GRIA1: variants seen among roughly 807,000 people sequenced by gnomAD.
GRIA1 encodes glutamate ionotropic receptor AMPA type subunit 1.
Under a neutral mutation model 99.2 loss-of-function variants are expected in GRIA1, and 31 were observed. The observed-to-expected ratio is 0.31, with a 90% CI of 0.23 to 0.42. The LOEUF (loss-of-function observed/expected upper bound fraction) is 0.42, where lower values mean the gene tolerates loss of function less well. Among genes scored for constraint, GRIA1 ranks in the 10% least tolerant of loss-of-function variants. The probability of loss-of-function intolerance (pLI) is 1.00; values close to 1 mark genes in which losing one functional copy is unlikely to be tolerated. For synonymous variants in GRIA1, 438 were observed against 432.4 expected (o/e 1.01, Z -0.16); for missense variants, 782 against 1,157.5 (o/e 0.68, Z 4.71).
At chr5:153,728,724 T>C (rs1581553112) in intron 11 of GRIA1, among the ~76,000 whole-genome samples, 1 of 98,738 alleles carries the variant, frequency 1.0e-5, no homozygotes. Context: ...CATTAAAAAG[T>C]CAGGAAACAA....
chr5:153,725,237 C>T (rs868220007), intron 11 of GRIA1, among the ~76,000 whole-genome samples: 1 of 151,624 alleles, frequency 6.6e-6, no homozygotes. Flanking sequence ...TAAAAGAGCT[C>T]CTGAAGGAAG....
chr5:153,539,805 A>G (rs148084459), intron 2 of GRIA1, among the ~76,000 whole-genome samples: 1 of 152,204 alleles, frequency 6.6e-6, no homozygotes, highest in Non-Finnish European at 1.5e-5. Flanking sequence ...TAAGATTCAA[A>G]CCATCACCTT....
At chr5:153,613,921 G>A (rs1398056318) in intron 2 of GRIA1, among the ~76,000 whole-genome samples, 7 of 152,058 alleles carry the variant, frequency 4.6e-5, no homozygotes, top group African/African-American at 9.7e-5. Flanking sequence ...GACCCTGCCC[G>A]CTGCATCAGC....
chr5:153,810,409 G>A (rs2149683065), intron 15 of GRIA1, among the ~76,000 whole-genome samples: 1 of 152,286 alleles, frequency 6.6e-6, no homozygotes, highest in African/African-American at 2.4e-5. Context: ...ATAGAGGTAG[G>A]CTAGAATTTT....
At chr5:153,784,963 C>T (rs1764881595) in intron 13 of GRIA1, among the ~76,000 whole-genome samples, 1 of 152,048 alleles carries the variant, frequency 6.6e-6, no homozygotes, top group South Asian at 2.1e-4. Flanking sequence ...AGGCTCTGGT[C>T]CCCACTCCCA....
intron 3 of GRIA1, among the ~76,000 whole-genome samples, 175 bp from the exon 4 acceptor site, chr5:153,650,153 GAA>G (rs1487608776): frequency 6.6e-6 from 1 of 152,194 alleles, no homozygotes; most frequent in East Asian, 1.9e-4. Flanking sequence ...TCTATGTTCA[GAA>G]ACACAGTGTC....
chr5:153,637,257 A>T (rs568314449), intron 2 of GRIA1, among the ~76,000 whole-genome samples: 1 of 152,366 alleles, frequency 6.6e-6, no homozygotes, highest in African/African-American at 2.4e-5. Context: ...GGTTCTACTT[A>T]TCATTAATAA....
intron 11 of GRIA1, among the ~76,000 whole-genome samples, chr5:153,763,299 G>A (rs1561839876): frequency 6.6e-6 from 1 of 152,164 alleles, no homozygotes; most frequent in Middle Eastern, 3.2e-3. Context: ...CCCGCGTACT[G>A]CTGTCCCGAG....
At chr5:153,759,175 A>AC (rs1246179039) in intron 11 of GRIA1, among the ~76,000 whole-genome samples, 1 of 151,442 alleles carries the variant, frequency 6.6e-6, no homozygotes, top group Non-Finnish European at 1.5e-5. Context: ...AAAAAAAAAA[A>AC]CAGAACAAAC....
At chr5:153,779,003 T>C (rs1764463167) in intron 13 of GRIA1, among the ~76,000 whole-genome samples, 1 of 152,210 alleles carries the variant, frequency 6.6e-6, no homozygotes, top group African/African-American at 2.4e-5. Flanking sequence ...AAGATTTTTA[T>C]GCTCCTGAAA....
intron 2 of GRIA1, among the ~76,000 whole-genome samples, chr5:153,501,671 C>T (rs1038367573): frequency 2.0e-5 from 3 of 152,132 alleles, no homozygotes; most frequent in African/African-American, 7.2e-5. Flanking sequence ...GTTTCAATGG[C>T]CTTGTTTCTT....
Position 153,509,528 on chromosome 5 carries a change from T to C in GRIA1, c.220+15463T>C, listed in dbSNP as rs1321772235. On this transcript the variant is annotated intron_variant, in intron 2 of 15. Transcript: ENST00000285900. ...GAGGTTTTATCTATTGTTAAGACTC[T>C]GAGGTTTTGAGGGCAAGAGAATAAA... is the stretch of plus-strand genomic sequence containing the variant. 5.9e-5 allele frequency among the ~76,000 whole-genome samples: 9 copies of C among 152,304 alleles called. No homozygotes were observed. The South Asian group carries it at 1.9e-3, about 32-fold the overall frequency.
chr5:153,730,747 A>G (rs953042995), intron 11 of GRIA1, among the ~76,000 whole-genome samples: 6 of 152,112 alleles, frequency 3.9e-5, no homozygotes, highest in African/African-American at 1.2e-4. Flanking sequence ...TGTTGCATTA[A>G]TCCAAAATGG....
chr5:153,730,286 A>G (rs142055130), intron 11 of GRIA1, among the ~76,000 whole-genome samples: 149 of 152,210 alleles, frequency 9.8e-4, no homozygotes, highest in African/African-American at 3.0e-3. Flanking sequence ...GCTGACTCCA[A>G]GCTCCATGAA....
intron 2 of GRIA1, among the ~76,000 whole-genome samples, chr5:153,567,560 C>T (rs1218812979): frequency 1.3e-5 from 2 of 151,722 alleles, no homozygotes; most frequent in East Asian, 1.9e-4. Context: ...TAGTACCTCC[C>T]TCACTTGCTA....
At chr5:153,593,378 ACATGGAGTC>A (rs1561671102) in intron 2 of GRIA1, among the ~76,000 whole-genome samples, 1 of 152,302 alleles carries the variant, frequency 6.6e-6, no homozygotes, top group Admixed American at 6.5e-5. Flanking sequence ...GGGGGCACAA[ACATGGAGTC>A]CATAGCAATG....
intron 2 of GRIA1, among the ~76,000 whole-genome samples, chr5:153,619,927 C>G (rs1766873052): frequency 6.6e-6 from 1 of 152,128 alleles, no homozygotes; most frequent in Non-Finnish European, 1.5e-5. Flanking sequence ...CCCCAGAGCA[C>G]TTACCGCTTC....
chr5:153,520,426 C>T (rs1757034077), intron 2 of GRIA1, among the ~76,000 whole-genome samples: 1 of 152,088 alleles, frequency 6.6e-6, no homozygotes, highest in South Asian at 2.1e-4. Flanking sequence ...AGATTCTCTG[C>T]AGTTCTTTGA....
At chr5:153,593,723 C>T (rs1338822537) in intron 2 of GRIA1, among the ~76,000 whole-genome samples, 1 of 152,140 alleles carries the variant, frequency 6.6e-6, no homozygotes, top group African/African-American at 2.4e-5. Context: ...AGAGACCTTC[C>T]TCTGGGAGCC....
Sources: gnomAD v4.1 joint callset for allele counts (sites outside exome capture counted in the v4.1 genomes callset) on GRCh38, gnomAD v4.1.1 for gene constraint, MANE v1.5 for transcripts, NCBI Gene and HGNC (gene_info 2026-07-23, HGNC 2026-07-21) for gene names.